ANGPT2: variants seen among roughly 807,000 people sequenced by gnomAD.
ANGPT2 encodes angiopoietin 2, also known as angiopoietin-2.
A neutral mutation model predicts 62.9 loss-of-function variants in ANGPT2; 28 were observed. The ratio of observed to expected loss-of-function variants is 0.44; its 90% CI spans 0.33 to 0.61. The LOEUF (loss-of-function observed/expected upper bound fraction) is 0.61. Ranked by LOEUF, ANGPT2 falls within the 20% of genes least tolerant of loss-of-function variation. The pLI is 0.03. For synonymous variants in ANGPT2, 284 were observed against 207.8 expected (o/e 1.37, Z -3.15); for missense variants, 727 against 594.9 (o/e 1.22, Z -2.31).
In ANGPT2 at chr8:6,502,869, G is replaced by A; in HGVS notation, c.*232C>T. ...GCCTCGGGTTCATCTTTGCATAGGT[G>A]TTCTGTCTAATCACAATTATGGATG... On this transcript the variant is annotated 3_prime_UTR_variant, in exon 9 of 9. Transcript: ENST00000629816. 5 of 516,436 alleles carry A rather than the reference G, an allele frequency of 9.7e-6. No individual in the cohort carries two copies. The South Asian group carries it at 1.5e-4, about 15-fold the overall frequency. 32.0% of individuals were successfully genotyped at this position (516,436 alleles called of 1,614,324 possible).
chr8:6,562,589 C>T, intron 1 of ANGPT2, 58 bp downstream of exon 1: 1 of 150,304 alleles, frequency 6.7e-6, no homozygotes, highest in Non-Finnish European at 1.2e-5. Flanking sequence ...AAAACCTGAG[C>T]TGCTGCCAAG....
At chr8:6,557,107 C>T (rs141963591) in intron 1 of ANGPT2, among the ~76,000 whole-genome samples, 2 of 152,334 alleles carry the variant, frequency 1.3e-5, no homozygotes, top group African/African-American at 4.8e-5. Context: ...TGCCCAAATT[C>T]ATGTTCATTC....
Position 6,513,684 on chromosome 8 carries a change from T to C in ANGPT2, c.1190A>G (p.Asn397Ser), listed in dbSNP as rs769612090. 8.1e-6 allele frequency: 13 copies of C among 1,609,010 alleles called. No homozygotes were observed. In the Admixed American group the frequency reaches 1.0e-4, roughly 13 times the overall value. ...TTACCATGAACTCACTTACCTATAATTGAGTTCTTCACTTGAGAGATAGAA... is the reference window on the plus strand; with the variant it reads ...TTACCATGAACTCACTTACCTATAACTGAGTTCTTCACTTGAGAGATAGAA... The part of the protein sequence containing the change: ...EHFYLSSEEL[N>S]YRIHLKGLTG... Residue 397 changes from asparagine (N) to serine (S), a missense_variant, in exon 7 of 9, where the codon AAT (asparagine) becomes AGT (serine). Asn to Ser is a conservative substitution (Grantham distance 46, BLOSUM62 1). Transcript: ENST00000629816.
chr8:6,562,849 A>C lies in ANGPT2; in HGVS notation c.86T>G (p.Ile29Arg), dbSNP rs750598634. The change falls in exon 1 of 9, where the codon ATA becomes AGA. Residue 29 changes from isoleucine (I) to arginine (R), a missense_variant. Physicochemically the swap from Ile to Arg is moderately conservative, Grantham distance 97 (BLOSUM62 -3). Coordinates refer to ENST00000629816, the MANE Select transcript of ANGPT2 (RefSeq NM_001118887.2). The stretch of plus-strand genomic sequence containing the variant: ...CTGGACCTGATATTGCTTCTTTCCT[A>C]TGCTGTCCATGCTCTTCCGAAAGTT... ...YNNFRKSMDS[I>R]GKKQYQVQHG... 1.2e-6 allele frequency: 2 copies of C among 1,613,318 alleles called. No homozygotes were observed. Among genetic ancestry groups the C allele is most frequent in the African/African-American group, 2.7e-5 (2 of 74,808 alleles).
At position 6,500,354 on chromosome 8, in the gene ANGPT2, C is replaced by G. The variant is rs894282341; in HGVS notation, c.*2747G>C. 3 of 162,218 alleles carry G rather than the reference C, an allele frequency of 1.8e-5. No individual in the cohort carries two copies. In the East Asian group the frequency reaches 5.2e-4, roughly 28 times the overall value. 10.0% of individuals were successfully genotyped at this position (162,218 alleles called of 1,614,324 possible). A position where few individuals can be genotyped will look rare whatever the true frequency, so the allele number is the denominator to read the frequency against. On this transcript the variant is annotated 3_prime_UTR_variant, in exon 9 of 9. Transcript: ENST00000629816. ...CTTTCCTAAATTCCACTTCAACTTTCAAATGCTTCATTGAAAAGTTCTGGG... is the reference window on the plus strand; with the variant it reads ...CTTTCCTAAATTCCACTTCAACTTTGAAATGCTTCATTGAAAAGTTCTGGG...
intron 8 of ANGPT2, among the ~76,000 whole-genome samples, chr8:6,503,893 C>G (rs1812704141): frequency 6.6e-6 from 1 of 152,170 alleles, no homozygotes; most frequent in Non-Finnish European, 1.5e-5. Context: ...TGGCCAAAAA[C>G]AGGAGCATGC....
intron 1 of ANGPT2, among the ~76,000 whole-genome samples, chr8:6,544,015 A>G (rs1461504777): frequency 6.6e-6 from 1 of 152,264 alleles, no homozygotes; most frequent in East Asian, 1.9e-4. Flanking sequence ...TCTGATCAGC[A>G]GTAGAATGTT....
In ANGPT2 at chr8:6,513,661, A is replaced by G. The variant is rs73522634; in HGVS notation, c.1196+17T>C. The G allele has an allele frequency of 2.2e-3, 3,493 of 1,597,012 alleles. 69 individuals carry two copies. In the African/African-American group the frequency reaches 0.041, roughly 19 times the overall value. ...AATCTTTTAATTTTTTCTTTCAATT[A>G]CCATGAACTCACTTACCTATAATTG... On this transcript the variant is annotated intron_variant, in intron 7 of 8. Transcript: ENST00000629816.
chr8:6,510,639 C>G (rs542704139), intron 7 of ANGPT2, among the ~76,000 whole-genome samples: 2 of 152,102 alleles, frequency 1.3e-5, no homozygotes, highest in Non-Finnish European at 2.9e-5. Flanking sequence ...TAAACTTGTC[C>G]GAGGTCAGAC....
At chr8:6,553,458 A>G (rs979266503) in intron 1 of ANGPT2, among the ~76,000 whole-genome samples, 1 of 152,122 alleles carries the variant, frequency 6.6e-6, no homozygotes. Context: ...TTGCTGGTCT[A>G]ATGGTAATTG....
intron 1 of ANGPT2, among the ~76,000 whole-genome samples, chr8:6,546,605 A>C (rs1450786719): frequency 6.6e-6 from 1 of 152,186 alleles, no homozygotes; most frequent in Non-Finnish European, 1.5e-5. Context: ...GTCAGAACAT[A>C]AATACTTAAA....
intron 2 of ANGPT2, among the ~76,000 whole-genome samples, chr8:6,531,297 T>TG (rs917200871): frequency 4.1e-5 from 6 of 147,400 alleles, no homozygotes; most frequent in Non-Finnish European, 7.4e-5. Flanking sequence ...TTCTTTCTTT[T>TG]TTTTTTTTTG....
intron 2 of ANGPT2, among the ~76,000 whole-genome samples, chr8:6,529,562 G>A (rs1022947578): frequency 2.7e-5 from 4 of 147,304 alleles, no homozygotes; most frequent in Admixed American, 6.8e-5. Context: ...AGCACTTCTT[G>A]TAACCTCACT....
At chr8:6,554,735 C>A (rs1824287492) in intron 1 of ANGPT2, among the ~76,000 whole-genome samples, 1 of 152,056 alleles carries the variant, frequency 6.6e-6, no homozygotes, top group Non-Finnish European at 1.5e-5. Context: ...AAAGTAATTA[C>A]CATCAGAGGA....
chr8:6,528,546 C>T (rs562018270), intron 2 of ANGPT2, among the ~76,000 whole-genome samples: 4 of 152,302 alleles, frequency 2.6e-5, no homozygotes, highest in South Asian at 2.1e-4. Context: ...TTGAACCAAT[C>T]GAAGCCGTAT....
At chr8:6,562,572 G>A (rs1319847383) in intron 1 of ANGPT2, 75 bp downstream of exon 1, 2 of 41,652 alleles carry the variant, frequency 4.8e-5, no homozygotes, top group South Asian at 5.2e-4. Flanking sequence ...TTTTTTTTTT[G>A]GTTGTTAAAA....
chr8:6,509,126 T>G, intron 7 of ANGPT2, 64 bp from the exon 8 acceptor site: 3 of 1,570,872 alleles, frequency 1.9e-6, no homozygotes, highest in Non-Finnish European at 1.7e-6. Flanking sequence ...AGTGGCAAAT[T>G]TTTTGTGATG....
intron 1 of ANGPT2, among the ~76,000 whole-genome samples, chr8:6,556,473 G>T (rs1227440937): frequency 6.7e-6 from 1 of 149,664 alleles, no homozygotes; most frequent in East Asian, 2.0e-4. Context: ...TCCCTCACAC[G>T]CCTGACTCCC....
chr8:6,527,981 C>T (rs991700839), intron 2 of ANGPT2, among the ~76,000 whole-genome samples: 10 of 150,782 alleles, frequency 6.6e-5, no homozygotes, highest in Non-Finnish European at 1.3e-4. Flanking sequence ...CTGCAACCTC[C>T]GCCTCCCGGG....
Sources: gnomAD v4.1 joint callset for allele counts (sites outside exome capture counted in the v4.1 genomes callset) on GRCh38, gnomAD v4.1.1 for gene constraint, MANE v1.5 for transcripts, NCBI Gene and HGNC (gene_info 2026-07-23, HGNC 2026-07-21) for gene names.